BCKDHB: variants seen among roughly 807,000 people sequenced by gnomAD.
BCKDHB encodes the protein 2-oxoisovalerate dehydrogenase subunit beta, mitochondrial.
BCKDHB carries 41 observed loss-of-function variants against 48.5 expected under a neutral mutation model. The observed-to-expected ratio is 0.85, with a 90% CI of 0.66 to 1.10. The LOEUF (loss-of-function observed/expected upper bound fraction) is 1.10, where lower values mean the gene tolerates loss of function less well. BCKDHB is among the 50% of genes least tolerant of loss of function. The pLI is 0.00. For synonymous variants in BCKDHB, 201 were observed against 174.8 expected (o/e 1.15, Z -1.18); for missense variants, 496 against 494.2 (o/e 1.00, Z -0.03).
intron 9 of BCKDHB, among the ~76,000 whole-genome samples, chr6:80,277,415 A>T (rs1233260320): frequency 1.3e-5 from 2 of 152,046 alleles, no homozygotes; most frequent in Non-Finnish European, 2.9e-5. Context: ...ATTTATTTAA[A>T]TATTAAGACC....
chr6:80,112,822 G>C (rs1769481976), intron 1 of BCKDHB, among the ~76,000 whole-genome samples: 1 of 152,174 alleles, frequency 6.6e-6, no homozygotes. Context: ...GTTAGGCATG[G>C]GTGCTGCTTT....
intron 3 of BCKDHB, among the ~76,000 whole-genome samples, chr6:80,146,861 TAG>T (rs1259533233): frequency 6.6e-6 from 1 of 152,222 alleles, no homozygotes; most frequent in African/African-American, 2.4e-5. Flanking sequence ...AAAATACATC[TAG>T]AGAGAAGGAA....
chr6:80,232,863 A>G (rs1292024984), intron 8 of BCKDHB, among the ~76,000 whole-genome samples: 1 of 151,678 alleles, frequency 6.6e-6, no homozygotes, highest in Admixed American at 6.6e-5. Flanking sequence ...AATAACAGAA[A>G]TCCAAGACAA....
chr6:80,244,522 T>C (rs946326163), intron 8 of BCKDHB, among the ~76,000 whole-genome samples: 1 of 152,224 alleles, frequency 6.6e-6, no homozygotes, highest in Non-Finnish European at 1.5e-5. Flanking sequence ...TTTGTTTTGT[T>C]GTTATTTAAA....
At chr6:80,353,487 T>G in the BCKDHB span, among the ~76,000 whole-genome samples, 1 of 152,330 alleles carries the variant, frequency 6.6e-6, no homozygotes, top group African/African-American at 2.4e-5. Context: ...CTAATTTATA[T>G]TCCCATCAAT....
intron 8 of BCKDHB, among the ~76,000 whole-genome samples, chr6:80,241,677 A>T (rs1776396216): frequency 6.6e-6 from 1 of 152,150 alleles, no homozygotes; most frequent in South Asian, 2.1e-4. Flanking sequence ...TGGGAATGAA[A>T]CTTCTCATTC....
intron 8 of BCKDHB, among the ~76,000 whole-genome samples, chr6:80,230,328 G>A (rs1258412501): frequency 2.6e-5 from 4 of 151,988 alleles, no homozygotes; most frequent in South Asian, 2.1e-4. Context: ...GTGAGCCACC[G>A]CGCCTGGCCA....
chr6:80,282,119 A>G (rs1038785973), intron 9 of BCKDHB, among the ~76,000 whole-genome samples: 2 of 152,196 alleles, frequency 1.3e-5, no homozygotes, highest in East Asian at 1.9e-4. Context: ...TTAAATGTCA[A>G]TACGGAAATT....
chr6:80,409,497 T>G, the BCKDHB span, among the ~76,000 whole-genome samples: 1 of 147,422 alleles, frequency 6.8e-6, no homozygotes, highest in Admixed American at 6.9e-5. Flanking sequence ...TCTCCCGTCA[T>G]TATTTTGTGG....
chr6:80,300,786 CAAAT>C (rs1439184518), intron 9 of BCKDHB, among the ~76,000 whole-genome samples: 1 of 152,136 alleles, frequency 6.6e-6, no homozygotes, highest in African/African-American at 2.4e-5. Context: ...AATTTAAAAA[CAAAT>C]GAAATCATAC....
intron 9 of BCKDHB, among the ~76,000 whole-genome samples, chr6:80,289,328 T>C (rs1053859711): frequency 6.6e-6 from 1 of 152,062 alleles, no homozygotes; most frequent in African/African-American, 2.4e-5. Flanking sequence ...TTCTTTGAAA[T>C]AGTGAGACTG....
intron 3 of BCKDHB, among the ~76,000 whole-genome samples, chr6:80,161,125 C>T (rs1422753210): frequency 2.0e-5 from 3 of 152,134 alleles, no homozygotes; most frequent in Non-Finnish European, 4.4e-5. Context: ...GTTTGCAGCA[C>T]TTTGATTGAT....
At chr6:80,152,193 C>G (rs1349538396) in intron 3 of BCKDHB, among the ~76,000 whole-genome samples, 1 of 151,532 alleles carries the variant, frequency 6.6e-6, no homozygotes. Context: ...TCAGCATCAG[C>G]TATGTGTACA....
chr6:80,358,885 A>T, the BCKDHB span, among the ~76,000 whole-genome samples: 1 of 152,294 alleles, frequency 6.6e-6, no homozygotes, highest in African/African-American at 2.4e-5. Flanking sequence ...AAATAAATTG[A>T]TTTTTTAAAA....
At chr6:80,406,346 T>A in the BCKDHB span, among the ~76,000 whole-genome samples, 1 of 152,226 alleles carries the variant, frequency 6.6e-6, no homozygotes, top group South Asian at 2.1e-4. Context: ...TACCCAGTAA[T>A]GGGATTGCCC....
chr6:80,379,819 A>G, the BCKDHB span, among the ~76,000 whole-genome samples: 55,519 of 151,822 alleles, frequency 0.37, 11,926 homozygotes, highest in East Asian at 0.66. Flanking sequence ...AGTGAGAACC[A>G]AATTAAGAAC....
At chr6:80,200,309 AGCTTT>A (rs1360763500) in intron 6 of BCKDHB, among the ~76,000 whole-genome samples, 30 of 152,206 alleles carry the variant, frequency 2.0e-4, no homozygotes, top group African/African-American at 5.5e-4. Context: ...TACAGTATTC[AGCTTT>A]GAAAAGTAAG....
At chr6:80,194,856 G>C (rs191939621) in intron 6 of BCKDHB, among the ~76,000 whole-genome samples, 2 of 152,150 alleles carry the variant, frequency 1.3e-5, no homozygotes. Flanking sequence ...CACTTCATTT[G>C]ATCTCTCACT....
the BCKDHB span, among the ~76,000 whole-genome samples, chr6:80,422,655 A>G: frequency 3.9e-5 from 6 of 152,196 alleles, no homozygotes; most frequent in Non-Finnish European, 2.9e-5. Flanking sequence ...TGGATGTGAG[A>G]CATGGAGTCA....
Sources: gnomAD v4.1 joint callset for allele counts (sites outside exome capture counted in the v4.1 genomes callset) on GRCh38, gnomAD v4.1.1 for gene constraint, MANE v1.5 for transcripts, NCBI Gene and HGNC (gene_info 2026-07-23, HGNC 2026-07-21) for gene names.